BAG2: variants seen among roughly 807,000 people sequenced by gnomAD.
BAG2 encodes BAG family molecular chaperone regulator 2.
Under a neutral mutation model 16.4 loss-of-function variants are expected in BAG2, and 8 were observed. The ratio of observed to expected loss-of-function variants is 0.49; its 90% confidence interval spans 0.29 to 0.88. The LOEUF is 0.88. Ranked by LOEUF, BAG2 falls within the 40% of genes least tolerant of loss-of-function variation. The probability of loss-of-function intolerance (pLI) is 0.09; values close to 1 mark genes in which losing one functional copy is unlikely to be tolerated. For synonymous variants in BAG2, 82 were observed against 89.2 expected (o/e 0.92, Z 0.46); for missense variants, 218 against 248.9 (o/e 0.88, Z 0.84).
chr6:57,174,541 A>G, intron 1 of BAG2: 1 of 635,168 alleles, frequency 1.6e-6, no homozygotes, highest in Non-Finnish European at 2.3e-6. Flanking sequence ...TTAACATTTG[A>G]GCTGAGGAGA....
chr6:57,179,041 C>G (rs544048568), intron 1 of BAG2, among the ~76,000 whole-genome samples: 7 of 152,262 alleles, frequency 4.6e-5, no homozygotes, highest in African/African-American at 1.7e-4. Context: ...AAATTAATCT[C>G]TTCTTTCAGC....
Position 57,185,348 on chromosome 6 carries a change from T to G in BAG2, c.*1158T>G, listed in dbSNP as rs1764591683. On this transcript the variant is annotated 3_prime_UTR_variant, in exon 3 of 3. Coordinates refer to ENST00000370693, the MANE Select transcript of BAG2 (RefSeq NM_004282.4). ...ACACTTATTTGTTCAAAGTAACTAG[T>G]CCTATTGATATACAAAAACCACAAC... The G allele has an allele frequency of 6.6e-6, 1 of 152,212 alleles. No individual in the cohort carries two copies. The highest frequency in any genetic ancestry group is 2.4e-5 in the African/African-American group (1 of 41,442). 9.4% of individuals were successfully genotyped at this position (152,212 alleles called of 1,614,324 possible). A position where few individuals can be genotyped will look rare whatever the true frequency, so the allele number is the denominator to read the frequency against.
Position 57,188,043 on chromosome 6 carries a change from A to C in BAG2, c.*3853A>C, listed in dbSNP as rs892380222. 1.3e-5 allele frequency: 2 copies of C among 152,218 alleles called. No individual in the cohort carries two copies. The highest frequency in any genetic ancestry group is 4.8e-5 in the African/African-American group (2 of 41,456). 9.4% of individuals were successfully genotyped at this position (152,218 alleles called of 1,614,324 possible). Reference sequence around the variant, plus strand: ...GAAATATGGCAGTTATTCCACAGCGATATGTCTACGCAAAAGATTAGCCGT... The same window carrying C: ...GAAATATGGCAGTTATTCCACAGCGCTATGTCTACGCAAAAGATTAGCCGT... On this transcript the variant is annotated 3_prime_UTR_variant, in exon 3 of 3. Transcript: ENST00000370693.
intron 1 of BAG2, chr6:57,174,032 C>A (rs1764206877): frequency 4.7e-6 from 1 of 211,360 alleles, no homozygotes; most frequent in Non-Finnish European, 9.1e-6. Context: ...ACACCAGGTT[C>A]TGGGGTTCCA....
rs770231466 is a variant in BAG2, at chr6:57,186,860, A to AGAG, written c.*2671_*2673dup. ...TGTTAGCACTACTTTCAATAAAATG[A>AGAG]GAGTATTAAATATTGGCAGAGTATC... On this transcript the variant is annotated 3_prime_UTR_variant, in exon 3 of 3. Transcript: ENST00000370693. The AGAG allele has an allele frequency of 2.6e-5, 4 of 152,214 alleles. No homozygotes were observed. The highest frequency in any genetic ancestry group is 4.4e-5 in the Non-Finnish European group (3 of 68,042). The allele number at this position is 152,214 out of a possible 1,614,324, so 9.4% of individuals were successfully genotyped here.
Position 57,184,008 on chromosome 6 carries a change from G to T in BAG2, c.454G>T (p.Asp152Tyr). The change falls in exon 3 of 3, where the codon GAT (aspartate) becomes TAT (tyrosine). Residue 152 changes from aspartate (D) to tyrosine (Y), a missense_variant. Physicochemically the swap from Asp to Tyr is radical, Grantham distance 160. Around this residue, in one of 3 missense-constraint regions of BAG2, gnomAD observed 113 missense variants for 128.0 expected, o/e 0.88. Transcript: ENST00000370693. ...ATCTGAGGTGCCACATGGGCCAGTT[G>T]ATCAGAAGTTTCAATCCATAGTAAT... ...CSSEVPHGPV[D>Y]QKFQSIVIGC... 1 of 1,612,912 alleles carries T rather than the reference G, an allele frequency of 6.2e-7. No individual in the cohort carries two copies. Among genetic ancestry groups the T allele is most frequent in the Non-Finnish European group, 8.5e-7 (1 of 1,179,720 alleles).
chr6:57,172,992 A>G, intron 1 of BAG2, 182 bp downstream of exon 1: 1 of 689,792 alleles, frequency 1.4e-6, no homozygotes, highest in African/African-American at 1.9e-5. Context: ...TGTTTCTTGG[A>G]TTATCTCCCC....
intron 1 of BAG2, among the ~76,000 whole-genome samples, chr6:57,179,159 C>G (rs541710318): frequency 6.6e-6 from 1 of 152,122 alleles, no homozygotes; most frequent in Non-Finnish European, 1.5e-5. Context: ...CGTCTCTTTC[C>G]TATGTTCTGG....
chr6:57,173,042 TG>T lies in BAG2; in HGVS notation c.113+233del, dbSNP rs916808382. 29 of 734,780 alleles carry T rather than the reference TG, an allele frequency of 3.9e-5. No homozygotes were observed. In the African/African-American group the frequency reaches 4.8e-4, roughly 12 times the overall value. 45.5% of individuals were successfully genotyped at this position (734,780 alleles called of 1,614,324 possible). ...ACGCATTCGATTTAAGCTAAACCTG[TG>T]AGGGCGTTATCGGTGGCCACACTTT... On this transcript the variant is annotated intron_variant, in intron 1 of 2. Coordinates refer to ENST00000370693, the MANE Select transcript of BAG2 (RefSeq NM_004282.4).
chr6:57,187,622 A>G lies in BAG2; in HGVS notation c.*3432A>G, dbSNP rs922238284. Reference sequence around the variant, plus strand: ...TTGAAAAGTATGCTAATAATTAACAATATCTTATATTAAAAGGGTCCAACA... The same window carrying G: ...TTGAAAAGTATGCTAATAATTAACAGTATCTTATATTAAAAGGGTCCAACA... On this transcript the variant is annotated 3_prime_UTR_variant, in exon 3 of 3. Transcript: ENST00000370693. 2.0e-5 allele frequency: 3 copies of G among 152,150 alleles called. No homozygotes were observed. The highest frequency in any genetic ancestry group is 6.5e-5 in the Admixed American group (1 of 15,280). The allele number at this position is 152,150 out of a possible 1,614,324, so 9.4% of individuals were successfully genotyped here.
chr6:57,182,808 G>A (rs983765848), intron 2 of BAG2, among the ~76,000 whole-genome samples: 1 of 151,862 alleles, frequency 6.6e-6, no homozygotes, highest in African/African-American at 2.4e-5. Context: ...GTGCCACCAC[G>A]CCTGGCTAAT....
chr6:57,186,982 T>A lies in BAG2; in HGVS notation c.*2792T>A, dbSNP rs1554307530. 1 of 152,182 alleles carries A rather than the reference T, an allele frequency of 6.6e-6. No individual in the cohort carries two copies. The highest frequency in any genetic ancestry group is 1.5e-5 in the Non-Finnish European group (1 of 68,006). 9.4% of individuals were successfully genotyped at this position (152,182 alleles called of 1,614,324 possible). Reference sequence around the variant, plus strand: ...CACACTGTTGATACAATCATACATATCACACAAAATTTTAGCTTTGAAATG... The same window carrying A: ...CACACTGTTGATACAATCATACATAACACACAAAATTTTAGCTTTGAAATG... On this transcript the variant is annotated 3_prime_UTR_variant, in exon 3 of 3. Coordinates refer to ENST00000370693, the MANE Select transcript of BAG2 (RefSeq NM_004282.4).
chr6:57,181,996 C>T, intron 1 of BAG2, 36 bp from the exon 2 acceptor site: 2 of 1,553,310 alleles, frequency 1.3e-6, no homozygotes, highest in African/African-American at 1.4e-5. Flanking sequence ...GAACATCCTG[C>T]ATACAATAAC....
Position 57,172,624 on chromosome 6 carries a change from A to G in BAG2, c.-74A>G. On this transcript the variant is annotated 5_prime_UTR_variant, in exon 1 of 3. Coordinates refer to ENST00000370693, the MANE Select transcript of BAG2 (RefSeq NM_004282.4). ...CCCGCGTGGTGACGGCGACGCCTGC[A>G]GCCCAAGGAGCGCTCCACTCGCTGC... The G allele has an allele frequency of 7.9e-7, 1 of 1,260,922 alleles. No individual in the cohort carries two copies. The highest frequency in any genetic ancestry group is 1.0e-6 in the Non-Finnish European group (1 of 960,246). The allele number at this position is 1,260,922 out of a possible 1,614,324, so 78.1% of individuals were successfully genotyped here.
At chr6:57,173,058 G>A in intron 1 of BAG2, 1 of 806,544 alleles carries the variant, frequency 1.2e-6, no homozygotes, top group Non-Finnish European at 1.6e-6. Flanking sequence ...CGTTATCGGT[G>A]GCCACACTTT....
At chr6:57,182,369 A>C (rs900028853) in intron 2 of BAG2, among the ~76,000 whole-genome samples, 2 of 151,992 alleles carry the variant, frequency 1.3e-5, no homozygotes, top group African/African-American at 4.8e-5. Flanking sequence ...GAGAGATAGG[A>C]AAAAGCCTGC....
chr6:57,172,665 T>G lies in BAG2; in HGVS notation c.-33T>G. ...CACTCGCTGCCGCCGGAGGGGCCGGTGACCTCTTGGCTACCCCGCGTCGGA... is the reference window on the plus strand; with the variant it reads ...CACTCGCTGCCGCCGGAGGGGCCGGGGACCTCTTGGCTACCCCGCGTCGGA... On this transcript the variant is annotated 5_prime_UTR_variant, in exon 1 of 3. Transcript: ENST00000370693. 6.8e-7 allele frequency: 1 copy of G among 1,465,846 alleles called. No homozygotes were observed. Among genetic ancestry groups the G allele is most frequent in the Non-Finnish European group, 9.1e-7 (1 of 1,098,790 alleles). The allele number at this position is 1,465,846 out of a possible 1,614,324, so 90.8% of individuals were successfully genotyped here.
intron 2 of BAG2, 78 bp downstream of exon 2, chr6:57,182,219 G>T: frequency 1.5e-6 from 2 of 1,366,468 alleles, no homozygotes; most frequent in Admixed American, 1.9e-5. Flanking sequence ...GTCAATTTTT[G>T]CTTGACTTTT....
rs1369986399 is a variant in BAG2 at position 57,188,402 on chromosome 6, G to A, written c.*4212G>A. The A allele has an allele frequency of 1.3e-5, 2 of 152,044 alleles. No homozygotes were observed. The highest frequency in any genetic ancestry group is 4.8e-5 in the African/African-American group (2 of 41,410). 9.4% of individuals were successfully genotyped at this position (152,044 alleles called of 1,614,324 possible). A position where few individuals can be genotyped will look rare whatever the true frequency, so the allele number is the denominator to read the frequency against. ...CTAGGTACATAAAATTATATTACAG[G>A]AACTGTAACTATCCTCAGAGATTAC... On this transcript the variant is annotated 3_prime_UTR_variant, in exon 3 of 3. Coordinates refer to ENST00000370693, the MANE Select transcript of BAG2 (RefSeq NM_004282.4).
Sources: allele counts gnomAD v4.1 joint callset (sites outside exome capture counted in the v4.1 genomes callset), GRCh38; gene constraint gnomAD v4.1.1; regional missense constraint gnomAD v4.1.1; transcripts MANE v1.5; gene names NCBI Gene and HGNC (gene_info 2026-07-23, HGNC 2026-07-21).